MARCHF5: variants seen among roughly 807,000 people sequenced by gnomAD.
The protein encoded by MARCHF5 is E3 ubiquitin-protein ligase MARCHF5.
A neutral mutation model predicts 36.5 loss-of-function variants in MARCHF5; 5 were observed. That is an observed-to-expected ratio of 0.14 (90% CI 0.07 to 0.29). The LOEUF is 0.29. Among genes scored for constraint, MARCHF5 ranks in the 10% least tolerant of loss-of-function variants. MARCHF5 has a pLI of 1.00. For synonymous variants in MARCHF5, 103 were observed against 109.9 expected, an observed-to-expected ratio of 0.94 and a Z score of 0.39; for missense variants, 179 against 336.3, an observed-to-expected ratio of 0.53 and a Z score of 3.66.
At position 92,353,496 on chromosome 10, in the gene MARCHF5, C is replaced by T. The variant is rs1843743197; in HGVS notation, c.*2289C>T. The T allele has an allele frequency of 6.6e-6, 1 of 152,192 alleles. No homozygotes were observed. Among genetic ancestry groups the T allele is most frequent in the Non-Finnish European group, 1.5e-5 (1 of 68,032 alleles). 9.4% of individuals were successfully genotyped at this position (152,192 alleles called of 1,614,324 possible). ...CTGAGAGATTAAAGGAACAGCAGCA[C>T]TTAGGCTCAAAATCGCCCCTACAAA... On this transcript the variant is annotated 3_prime_UTR_variant, in exon 6 of 6. Coordinates refer to ENST00000358935, the MANE Select transcript of MARCHF5 (RefSeq NM_017824.5).
At position 92,300,347 on chromosome 10, in the gene MARCHF5, G is replaced by A. The variant is rs553307312; in HGVS notation, c.35+8818G>A. On this transcript the variant is annotated intron_variant, in intron 1 of 5. Transcript: ENST00000358935. ...AAAAAAAAGAAAGAAAGAAAAAATA[G>A]CTGGGTGTGGTGGCCCACACCTGTA... Among the ~76,000 whole-genome samples, 19 of 151,716 alleles carry A rather than the reference G, an allele frequency of 1.3e-4. 1 individual carries two copies. Among genetic ancestry groups the A allele is most frequent in the African/African-American group, 4.6e-4 (19 of 41,398 alleles).
At chr10:92,292,520 C>T (rs1842893383) in intron 1 of MARCHF5, among the ~76,000 whole-genome samples, 1 of 152,080 alleles carries the variant, frequency 6.6e-6, no homozygotes, top group Non-Finnish European at 1.5e-5. Flanking sequence ...GAGTTTATAC[C>T]CAGTTAAATG....
At chr10:92,316,014 G>T (rs1316613231) in intron 2 of MARCHF5, among the ~76,000 whole-genome samples, 1 of 152,130 alleles carries the variant, frequency 6.6e-6, no homozygotes, top group Non-Finnish European at 1.5e-5. Context: ...ACTGTCTGTA[G>T]ACCAAATAGA....
intron 2 of MARCHF5, among the ~76,000 whole-genome samples, chr10:92,314,305 G>T (rs748759620): frequency 6.6e-6 from 1 of 152,068 alleles, no homozygotes; most frequent in Non-Finnish European, 1.5e-5. Context: ...TGAGTTAGCC[G>T]CTTAAAATCA....
chr10:92,328,935 G>A (rs1163644774), intron 2 of MARCHF5, among the ~76,000 whole-genome samples: 1 of 151,422 alleles, frequency 6.6e-6, no homozygotes, highest in Non-Finnish European at 1.5e-5. Flanking sequence ...CGATCAGTGT[G>A]TATAGGTGTT....
chr10:92,298,514 A>G (rs1375378958), intron 1 of MARCHF5, among the ~76,000 whole-genome samples: 1 of 152,120 alleles, frequency 6.6e-6, no homozygotes, highest in Non-Finnish European at 1.5e-5. Flanking sequence ...TGACTTCTCA[A>G]TTTTTGGTCT....
At chr10:92,340,601 A>G (rs1843567491) in intron 2 of MARCHF5, 72 bp from the exon 3 acceptor site, 1 of 1,407,976 alleles carries the variant, frequency 7.1e-7, no homozygotes, top group Non-Finnish European at 9.6e-7. Flanking sequence ...TTAGATCTAT[A>G]GAAAATATCA....
At position 92,291,281 on chromosome 10, in the gene MARCHF5, G is replaced by A; in HGVS notation, c.-214G>A. 2 of 553,916 alleles carry A rather than the reference G, an allele frequency of 3.6e-6. No homozygotes were observed. The highest frequency in any genetic ancestry group is 6.3e-6 in the Non-Finnish European group (2 of 319,448). 34.3% of individuals were successfully genotyped at this position (553,916 alleles called of 1,614,324 possible). Reference sequence around the variant, plus strand: ...CGCGATCGCCGCCTCCCCGCCTCAGGCTCCTCCTCCTCGCTCTCCGCCGCC... The same window carrying A: ...CGCGATCGCCGCCTCCCCGCCTCAGACTCCTCCTCCTCGCTCTCCGCCGCC... On this transcript the variant is annotated 5_prime_UTR_variant, in exon 1 of 6. Transcript: ENST00000358935.
intron 3 of MARCHF5, among the ~76,000 whole-genome samples, chr10:92,342,146 C>G (rs554261127): frequency 6.8e-6 from 1 of 146,346 alleles, no homozygotes; most frequent in South Asian, 2.3e-4. Context: ...CCCCTCAATA[C>G]TCCCCACAAA....
intron 2 of MARCHF5, among the ~76,000 whole-genome samples, chr10:92,334,115 G>A (rs1264300495): frequency 4.6e-5 from 7 of 152,170 alleles, no homozygotes; most frequent in African/African-American, 1.4e-4. Context: ...GCTTGAACCC[G>A]GGAGGCAGAG....
At chr10:92,344,532 A>G (rs899790725) in intron 3 of MARCHF5, among the ~76,000 whole-genome samples, 2 of 152,010 alleles carry the variant, frequency 1.3e-5, no homozygotes, top group Admixed American at 1.3e-4. Context: ...GTAGGTGGAT[A>G]GTGTTGTGTG....
intron 2 of MARCHF5, among the ~76,000 whole-genome samples, chr10:92,335,248 A>G (rs560807499): frequency 2.4e-3 from 358 of 152,318 alleles, no homozygotes; most frequent in Non-Finnish European, 3.7e-3. Flanking sequence ...AATCTAATAA[A>G]TGTTGCTTTT....
In MARCHF5 at chr10:92,352,560, T is replaced by A. The variant is rs933536967; in HGVS notation, c.*1353T>A. ...TTAAGAGATATTTTCAAAACCCTAT[T>A]TATTTTCTTGTTCACAGTAATGCAT... On this transcript the variant is annotated 3_prime_UTR_variant, in exon 6 of 6. Transcript: ENST00000358935. 5 of 152,232 alleles carry A rather than the reference T, an allele frequency of 3.3e-5. No individual in the cohort carries two copies. Among genetic ancestry groups the A allele is most frequent in the Non-Finnish European group, 5.9e-5 (4 of 68,036 alleles). The allele number at this position is 152,232 out of a possible 1,614,324, so 9.4% of individuals were successfully genotyped here.
chr10:92,313,329 G>T (rs754534776), intron 2 of MARCHF5, among the ~76,000 whole-genome samples: 2 of 152,028 alleles, frequency 1.3e-5, no homozygotes, highest in African/African-American at 4.8e-5. Flanking sequence ...GCCGGGCCGG[G>T]CGCGGTGGCT....
chr10:92,328,829 T>A (rs1314714758), intron 2 of MARCHF5, among the ~76,000 whole-genome samples: 13 of 144,122 alleles, frequency 9.0e-5, no homozygotes, highest in Non-Finnish European at 4.5e-5. Flanking sequence ...ATATTTTTTT[T>A]TTTTTTACAG....
At chr10:92,305,780 T>C (rs1388677709) in intron 1 of MARCHF5, among the ~76,000 whole-genome samples, 2 of 152,140 alleles carry the variant, frequency 1.3e-5, no homozygotes, top group African/African-American at 4.8e-5. Flanking sequence ...ATTGGCTATT[T>C]TCCATTTCAA....
At chr10:92,321,039 G>C (rs559206307) in intron 2 of MARCHF5, among the ~76,000 whole-genome samples, 36 of 152,056 alleles carry the variant, frequency 2.4e-4, no homozygotes, top group Middle Eastern at 3.4e-3. Context: ...AAATACCATT[G>C]TATTTGCCTA....
chr10:92,295,790 A>C (rs1158223713), intron 1 of MARCHF5, among the ~76,000 whole-genome samples: 1 of 151,868 alleles, frequency 6.6e-6, no homozygotes, highest in Non-Finnish European at 1.5e-5. Flanking sequence ...ATTTGTTTAT[A>C]TTGGTAACTT....
At chr10:92,320,103 G>C (rs1843273310) in intron 2 of MARCHF5, among the ~76,000 whole-genome samples, 1 of 151,548 alleles carries the variant, frequency 6.6e-6, no homozygotes, top group Non-Finnish European at 1.5e-5. Flanking sequence ...ACCCAGGCTG[G>C]AGTGCAGTGT....
Sources: allele counts gnomAD v4.1 joint callset (sites outside exome capture counted in the v4.1 genomes callset), GRCh38; gene constraint gnomAD v4.1.1; transcripts MANE v1.5; gene names NCBI Gene and HGNC (gene_info 2026-07-23, HGNC 2026-07-21).